CELF2: variants seen among roughly 807,000 people sequenced by gnomAD.
The protein encoded by CELF2 is CUG triplet repeat RNA-binding protein 2.
In CELF2, 8 loss-of-function variants were observed where a neutral mutation model predicts 62.6. That is an observed-to-expected ratio of 0.13 (90% confidence interval 0.07 to 0.23). The LOEUF is 0.23. Ranked by LOEUF, CELF2 falls within the 10% of genes least tolerant of loss-of-function variation. The pLI is 1.00. For synonymous variants in CELF2, 258 were observed against 250.0 expected, an observed-to-expected ratio of 1.03 and a Z score of -0.30; for missense variants, 333 against 671.0, an observed-to-expected ratio of 0.50 and a Z score of 5.56.
chr10:11,302,883 G>A lies in CELF2; in HGVS notation c.977-11256G>A, dbSNP rs1282096722. On this transcript the variant is annotated intron_variant, in intron 9 of 12. Coordinates refer to ENST00000633077, the MANE Select transcript of CELF2 (RefSeq NM_001326342.2). The surrounding 1 kb of genome is among the most constrained non-coding windows in gnomAD (Gnocchi z 5.0). ...GGAAGCATTAGAATCCTGCCTTCCC[G>A]GAGTCCTCTCTTTCTCTGCCAGGAG... Among the ~76,000 whole-genome samples, 4 of 152,168 alleles carry A rather than the reference G, an allele frequency of 2.6e-5. No individual in the cohort carries two copies. The highest frequency in any genetic ancestry group is 2.1e-4 in the South Asian group (1 of 4,822).
At chr10:10,772,200 G>A in the CELF2 span, among the ~76,000 whole-genome samples, 1 of 152,136 alleles carries the variant, frequency 6.6e-6, no homozygotes, top group Non-Finnish European at 1.5e-5. Flanking sequence ...CTGTTCTGAG[G>A]ATCTGTTTTT....
chr10:10,682,993 G>A, the CELF2 span, among the ~76,000 whole-genome samples: 1 of 152,178 alleles, frequency 6.6e-6, no homozygotes, highest in Non-Finnish European at 1.5e-5. Context: ...CACACTCACA[G>A]AACGCAGCAA....
chr10:10,634,632 G>A, the CELF2 span, among the ~76,000 whole-genome samples: 8 of 150,796 alleles, frequency 5.3e-5, no homozygotes, highest in Admixed American at 4.0e-4. Context: ...ATTCTTAGAG[G>A]TTTAACACAA....
the CELF2 span, among the ~76,000 whole-genome samples, chr10:10,521,151 A>G: frequency 6.6e-6 from 1 of 152,180 alleles, no homozygotes; most frequent in Non-Finnish European, 1.5e-5. Context: ...AAGCACAGGT[A>G]TCCCCTGCTG....
At chr10:11,089,487 A>G (rs184277425) in intron 1 of CELF2, among the ~76,000 whole-genome samples, 1 of 152,334 alleles carries the variant, frequency 6.6e-6, no homozygotes, top group East Asian at 1.9e-4. Context: ...GAAGAGCAGG[A>G]TGAGGAACCC....
At chr10:10,866,979 A>G (rs1186447087) in intron 1 of CELF2, among the ~76,000 whole-genome samples, 2 of 152,114 alleles carry the variant, frequency 1.3e-5, no homozygotes, top group Non-Finnish European at 2.9e-5. Context: ...TTTGGATGCA[A>G]TTATGCAGAA....
chr10:10,536,062 C>T, the CELF2 span, among the ~76,000 whole-genome samples: 2 of 150,858 alleles, frequency 1.3e-5, no homozygotes, highest in Non-Finnish European at 2.9e-5. Context: ...GCTCTGTCGC[C>T]AGGCTGTAGT....
Position 11,165,551 on chromosome 10 carries a change from T to C in CELF2, c.140T>C (p.Ile47Thr). ...TCAGACCAACCAGACCCAGATGCCA[T>C]TAAGATGTTTGTCGGACAGATCCCC... ...DHSDQPDPDAIKMFVGQIPRS... is the reference protein window; with the variant it reads ...DHSDQPDPDATKMFVGQIPRS... Residue 47 changes from isoleucine to threonine, a missense_variant, in exon 2 of 13, where the codon ATT becomes ACT. Around this residue, in one of 3 missense-constraint regions of CELF2, gnomAD observed 253 missense variants for 503.0 expected, o/e 0.50. Transcript: ENST00000633077. The surrounding 1 kb of genome is among the most constrained non-coding windows in gnomAD (Gnocchi z 7.4). 6.2e-7 allele frequency: 1 copy of C among 1,614,100 alleles called. No individual in the cohort carries two copies. The highest frequency in any genetic ancestry group is 1.7e-5 in the Admixed American group (1 of 60,018).
chr10:10,926,841 C>T (rs1488638438), intron 2 of CELF2, among the ~76,000 whole-genome samples: 1 of 152,174 alleles, frequency 6.6e-6, no homozygotes, highest in East Asian at 1.9e-4. Flanking sequence ...TGCTTTTCTT[C>T]TTCTTCTCCA....
In CELF2 at chr10:11,005,982, G is replaced by A. The variant is rs566545632; in HGVS notation, c.53+542G>A. Among the ~76,000 whole-genome samples the A allele has an allele frequency of 3.9e-5, 6 of 152,144 alleles. No homozygotes were observed. Among genetic ancestry groups the A allele is most frequent in the South Asian group, 2.1e-4 (1 of 4,820 alleles). On this transcript the variant is annotated intron_variant, in intron 1 of 12. Transcript: ENST00000416382. The surrounding 1 kb of genome is among the most constrained non-coding windows in gnomAD (Gnocchi z 4.3). ...TTTGGAGACCTCTTTCATGCATGGC[G>A]TCCTGGGTCCCCATGTATTGAAAGC...
At chr10:11,137,910 CTG>C (rs1373309204) in intron 1 of CELF2, among the ~76,000 whole-genome samples, 1 of 152,212 alleles carries the variant, frequency 6.6e-6, no homozygotes, top group Non-Finnish European at 1.5e-5. Flanking sequence ...GAGAATCTGA[CTG>C]TACGTTGTTT....
At chr10:10,840,580 C>T (rs1040419611) in intron 1 of CELF2, among the ~76,000 whole-genome samples, 5 of 152,034 alleles carry the variant, frequency 3.3e-5, no homozygotes, top group African/African-American at 1.2e-4. Context: ...TGTAATAGTT[C>T]TTTGTATATT....
At chr10:10,925,243 A>C (rs1564828896) in intron 2 of CELF2, 1 of 152,110 alleles carries the variant, frequency 6.6e-6, no homozygotes, top group Non-Finnish European at 1.5e-5. Context: ...CCTCTTACTG[A>C]GTCATCTAGA....
At chr10:10,765,498 C>A in the CELF2 span, among the ~76,000 whole-genome samples, 8 of 152,140 alleles carry the variant, frequency 5.3e-5, no homozygotes, top group Non-Finnish European at 1.0e-4. Context: ...TGTGCCCTTG[C>A]GTTGTATTGA....
chr10:11,221,151 G>T (rs1042999393), intron 3 of CELF2, among the ~76,000 whole-genome samples: 2 of 152,212 alleles, frequency 1.3e-5, no homozygotes, highest in Non-Finnish European at 2.9e-5. Context: ...TTGGTGCCTT[G>T]TTAGGCTGAC....
the CELF2 span, among the ~76,000 whole-genome samples, chr10:10,616,056 A>G: frequency 2.0e-5 from 3 of 152,096 alleles, no homozygotes; most frequent in Admixed American, 2.0e-4. Flanking sequence ...AATGAAGTGT[A>G]TCTAAACAGA....
At position 11,243,673 on chromosome 10, in the gene CELF2, C is replaced by A. The variant is rs2074709613; in HGVS notation, c.355-5480C>A. Reference sequence around the variant, plus strand: ...ACTCAGGAAAACCACTCTGTAAAGTCAGAGGCTGGTGTTTGTAAAATTCTT... The same window carrying A: ...ACTCAGGAAAACCACTCTGTAAAGTAAGAGGCTGGTGTTTGTAAAATTCTT... On this transcript the variant is annotated intron_variant, in intron 3 of 12. Coordinates refer to ENST00000633077, the MANE Select transcript of CELF2 (RefSeq NM_001326342.2). The surrounding 1 kb of genome is among the most constrained non-coding windows in gnomAD (Gnocchi z 4.1). Among the ~76,000 whole-genome samples, 1 of 152,198 alleles carries A rather than the reference C, an allele frequency of 6.6e-6. No individual in the cohort carries two copies. The highest frequency in any genetic ancestry group is 1.5e-5 in the Non-Finnish European group (1 of 68,024).
intron 1 of CELF2, among the ~76,000 whole-genome samples, chr10:10,829,095 C>T (rs1471923370): frequency 2.0e-5 from 3 of 152,194 alleles, no homozygotes; most frequent in African/African-American, 7.2e-5. Context: ...AAGATGATCT[C>T]CTGTGTTGAG....
chr10:10,924,281 CAAAAAAAAAAAA>C (rs11415164), intron 2 of CELF2, among the ~76,000 whole-genome samples: 41 of 45,100 alleles, frequency 9.1e-4, no homozygotes, highest in African/African-American at 2.1e-3. Flanking sequence ...GACTCCGTCC[CAAAAAAAAAAAA>C]AAAAAAAAAA....
Sources: gnomAD v4.1 joint callset for allele counts (sites outside exome capture counted in the v4.1 genomes callset) on GRCh38, gnomAD v4.1.1 for gene constraint, gnomAD v4.1.1 regional missense constraint, Gnocchi (gnomAD v3.1) non-coding constraint, MANE v1.5 for transcripts, NCBI Gene and HGNC (gene_info 2026-07-23, HGNC 2026-07-21) for gene names.